EMB: variants seen among roughly 807,000 people sequenced by gnomAD.
EMB encodes embigin homolog.
In EMB, 31 loss-of-function variants were observed where a neutral mutation model predicts 41.4. That is an observed-to-expected ratio of 0.75 (90% CI 0.56 to 1.01). EMB has a LOEUF of 1.01. Among genes scored for constraint, EMB ranks in the 50% least tolerant of loss-of-function variants. The pLI is 0.00. For synonymous variants in EMB, 137 were observed against 140.4 expected (o/e 0.98, Z 0.17); for missense variants, 379 against 388.3 (o/e 0.98, Z 0.20).
chr5:50,441,209 G>C lies in EMB; in HGVS notation c.-58C>G. The C allele has an allele frequency of 8.9e-7, 1 of 1,128,686 alleles. No individual in the cohort carries two copies. The highest frequency in any genetic ancestry group is 1.2e-6 in the Non-Finnish European group (1 of 859,642). 69.9% of individuals were successfully genotyped at this position (1,128,686 alleles called of 1,614,324 possible). A position where few individuals can be genotyped will look rare whatever the true frequency, so the allele number is the denominator to read the frequency against. Reference sequence around the variant, plus strand: ...GACTGCTCCCTCAGCTCGCCGCCGCGGGTGTCCAGAGTCCCTGCGCACACT... The same window carrying C: ...GACTGCTCCCTCAGCTCGCCGCCGCCGGTGTCCAGAGTCCCTGCGCACACT... On this transcript the variant is annotated 5_prime_UTR_variant, in exon 1 of 9. Coordinates refer to ENST00000303221, the MANE Select transcript of EMB (RefSeq NM_198449.3).
chr5:50,405,931 C>A, intron 4 of EMB, 79 bp from the exon 5 acceptor site: 1 of 1,441,210 alleles, frequency 6.9e-7, no homozygotes, highest in Non-Finnish European at 9.1e-7. Flanking sequence ...AATATTGTCT[C>A]CTTTCATTTT....
At chr5:50,417,351 A>G (rs1281450716) in intron 2 of EMB, among the ~76,000 whole-genome samples, 1 of 152,218 alleles carries the variant, frequency 6.6e-6, no homozygotes, top group Admixed American at 6.5e-5. Context: ...TAAGAATAAA[A>G]TTCTCAAAGT....
chr5:50,423,300 A>C (rs1745556100), intron 2 of EMB, among the ~76,000 whole-genome samples: 1 of 152,182 alleles, frequency 6.6e-6, no homozygotes, highest in African/African-American at 2.4e-5. Flanking sequence ...TGAACAGCGT[A>C]TACCATTGTA....
chr5:50,411,429 A>T, intron 2 of EMB, 46 bp from the exon 3 acceptor site: 1 of 1,329,742 alleles, frequency 7.5e-7, no homozygotes, highest in South Asian at 1.6e-5. Context: ...TATTCAGAGG[A>T]ATCTAACACA....
intron 4 of EMB, among the ~76,000 whole-genome samples, chr5:50,408,776 C>T (rs546071286): frequency 6.6e-6 from 1 of 151,974 alleles, no homozygotes; most frequent in Non-Finnish European, 1.5e-5. Flanking sequence ...AAAATACACA[C>T]CATTTTATAA....
intron 2 of EMB, among the ~76,000 whole-genome samples, chr5:50,422,289 G>T (rs1241888685): frequency 6.6e-6 from 1 of 152,160 alleles, no homozygotes; most frequent in Non-Finnish European, 1.5e-5. Flanking sequence ...TGGAGTAAAA[G>T]AGAAATTATC....
chr5:50,406,359 G>T (rs1745249193), intron 4 of EMB, among the ~76,000 whole-genome samples: 1 of 151,714 alleles, frequency 6.6e-6, no homozygotes, highest in Non-Finnish European at 1.5e-5. Context: ...AACAGAAAGA[G>T]AACAGCGTAA....
At chr5:50,402,899 A>AAAAG (rs1745187508) in intron 6 of EMB, among the ~76,000 whole-genome samples, 2 of 138,762 alleles carry the variant, frequency 1.4e-5, no homozygotes, top group Non-Finnish European at 3.1e-5. Flanking sequence ...AAAAAAAAAA[A>AAAAG]GAGGGGGGTG....
intron 2 of EMB, among the ~76,000 whole-genome samples, chr5:50,421,237 T>C (rs10071541): frequency 0.062 from 9,488 of 152,132 alleles, 931 homozygotes; most frequent in African/African-American, 0.21. Context: ...GGGCGAAGGA[T>C]ATGAACAGAC....
At position 50,440,561 on chromosome 5, in the gene EMB, A is replaced by G. The variant is rs867330141; in HGVS notation, c.112+479T>C. Among the ~76,000 whole-genome samples the G allele has an allele frequency of 9.2e-3, 1,178 of 128,506 alleles. 36 individuals are homozygous for G. The highest frequency in any genetic ancestry group is 0.036 in the African/African-American group (1,123 of 31,350). The allele number at this position is 128,506 out of a possible 152,430, so 84.3% of individuals were successfully genotyped here. On this transcript the variant is annotated intron_variant, in intron 1 of 8. Transcript: ENST00000303221. ...AAAAAAAAAAAAAAAAAAAAAAAAA[A>G]TCCTCAAAGCCAACCCACCTGCCAA...
intron 4 of EMB, among the ~76,000 whole-genome samples, chr5:50,410,433 G>A (rs547639702): frequency 2.8e-4 from 43 of 152,134 alleles, no homozygotes; most frequent in African/African-American, 9.2e-4. Context: ...GTAGGCAACC[G>A]TTTGTGCATC....
chr5:50,417,324 T>G (rs1023504894), intron 2 of EMB, among the ~76,000 whole-genome samples: 1 of 152,212 alleles, frequency 6.6e-6, no homozygotes, highest in African/African-American at 2.4e-5. Context: ...CTTAAACATA[T>G]GGAGTTAACT....
At chr5:50,411,027 GACTT>G (rs766063163) in intron 3 of EMB, 62 bp from the exon 4 acceptor site, 2 of 1,308,696 alleles carry the variant, frequency 1.5e-6, no homozygotes, top group Non-Finnish European at 2.1e-6. Context: ...AAAATGAAAA[GACTT>G]AGCCATTAAT....
chr5:50,437,483 T>C (rs1176844422), intron 1 of EMB, among the ~76,000 whole-genome samples: 1 of 152,144 alleles, frequency 6.6e-6, no homozygotes, highest in African/African-American at 2.4e-5. Flanking sequence ...CATCAAACTT[T>C]TCATTGACTC....
chr5:50,422,496 G>C (rs984369745), intron 2 of EMB, among the ~76,000 whole-genome samples: 9 of 152,152 alleles, frequency 5.9e-5, no homozygotes, highest in African/African-American at 2.2e-4. Context: ...TGATTAGAGT[G>C]CTATTTCAAA....
chr5:50,412,465 G>C (rs763057135), intron 2 of EMB, among the ~76,000 whole-genome samples: 1 of 152,004 alleles, frequency 6.6e-6, no homozygotes, highest in African/African-American at 2.4e-5. Context: ...CTGAACATGA[G>C]AAATCTTCAC....
At chr5:50,406,937 G>A (rs1015890223) in intron 4 of EMB, among the ~76,000 whole-genome samples, 1 of 151,938 alleles carries the variant, frequency 6.6e-6, no homozygotes, top group South Asian at 2.1e-4. Flanking sequence ...CAACCTGAGA[G>A]GAAGAGCAGC....
chr5:50,418,854 C>T (rs1387660559), intron 2 of EMB, among the ~76,000 whole-genome samples: 2 of 152,138 alleles, frequency 1.3e-5, no homozygotes, highest in African/African-American at 4.8e-5. Flanking sequence ...GCTTAACTGG[C>T]TATAGACTGT....
At chr5:50,400,275 T>A (rs538544504) in intron 7 of EMB, among the ~76,000 whole-genome samples, 1 of 152,114 alleles carries the variant, frequency 6.6e-6, no homozygotes, top group African/African-American at 2.4e-5. Flanking sequence ...TGCTATACAT[T>A]TGTATGCTTA....
Sources: gnomAD v4.1 joint callset for allele counts (sites outside exome capture counted in the v4.1 genomes callset) on GRCh38, gnomAD v4.1.1 for gene constraint, MANE v1.5 for transcripts, NCBI Gene and HGNC (gene_info 2026-07-23, HGNC 2026-07-21) for gene names.